SMYD3: variants seen among roughly 807,000 people sequenced by gnomAD.
SMYD3 encodes SET and MYND domain containing 3.
In SMYD3, 36 loss-of-function variants were observed where a neutral mutation model predicts 57.7. The observed-to-expected ratio is 0.62, with a 90% confidence interval of 0.48 to 0.82. The LOEUF (loss-of-function observed/expected upper bound fraction) is 0.82, where lower values mean the gene tolerates loss of function less well. SMYD3 is among the 40% of genes least tolerant of loss of function. The pLI is 0.00. For missense variants in SMYD3, 515 were observed against 538.8 expected (o/e 0.96, Z 0.44); for synonymous variants, 211 against 195.0 (o/e 1.08, Z -0.68).
intron 5 of SMYD3, among the ~76,000 whole-genome samples, chr1:245,934,713 G>A (rs1421475103): frequency 6.6e-6 from 1 of 152,066 alleles, no homozygotes; most frequent in Non-Finnish European, 1.5e-5. Flanking sequence ...AAGTGTTACC[G>A]GAAGGTTTAC....
rs1275983636 is a variant in SMYD3, at chr1:246,002,375, G to A, written c.532-72438C>T. 5.1e-5 allele frequency among the ~76,000 whole-genome samples: 3 copies of A among 58,820 alleles called. 1 individual carries two copies. The highest frequency in any genetic ancestry group is 6.4e-4 in the South Asian group (1 of 1,558). The allele number at this position is 58,820 out of a possible 152,430, so 38.6% of individuals were successfully genotyped here. A position where few individuals can be genotyped will look rare whatever the true frequency, so the allele number is the denominator to read the frequency against. On this transcript the variant is annotated intron_variant, in intron 5 of 11. Coordinates refer to ENST00000490107, the MANE Select transcript of SMYD3 (RefSeq NM_001167740.2). ...AATTTTTTGTATTTTTAGTAGAGACGGGGTTTCACCGTGTTAGCCAGGATG... is the reference window on the plus strand; with the variant it reads ...AATTTTTTGTATTTTTAGTAGAGACAGGGTTTCACCGTGTTAGCCAGGATG...
chr1:246,462,220 ACAGTGCATCCTCCCG>A (rs2067809196), intron 1 of SMYD3, among the ~76,000 whole-genome samples: 1 of 94,150 alleles, frequency 1.1e-5, no homozygotes, highest in Non-Finnish European at 2.5e-5. Flanking sequence ...CCTGCTGGGT[ACAGTGCATCCTCCCG>A]CGGGGCCTGC....
intron 11 of SMYD3, among the ~76,000 whole-genome samples, chr1:245,761,786 C>CTTTTTTTTTTTTTT (rs534305833): frequency 8.6e-6 from 1 of 115,720 alleles, no homozygotes; most frequent in Admixed American, 8.9e-5. Context: ...CATATTGAGT[C>CTTTTTTTTTTTTTT]TTTTTTTTTT....
chr1:245,876,465 G>C (rs553048660), intron 8 of SMYD3, among the ~76,000 whole-genome samples: 2 of 152,224 alleles, frequency 1.3e-5, no homozygotes, highest in Non-Finnish European at 2.9e-5. Context: ...GAATCTCTGC[G>C]ATCATGCTGT....
chr1:246,369,555 C>A (rs369952186), intron 1 of SMYD3, among the ~76,000 whole-genome samples: 1 of 152,104 alleles, frequency 6.6e-6, no homozygotes, highest in East Asian at 1.9e-4. Context: ...GAGACAGGGT[C>A]TCGCTCTGTT....
At chr1:246,185,445 G>A (rs2062618841) in intron 5 of SMYD3, among the ~76,000 whole-genome samples, 1 of 115,416 alleles carries the variant, frequency 8.7e-6, no homozygotes, top group African/African-American at 3.7e-5. Flanking sequence ...CCATGTTAGT[G>A]ATTCTTTTTT....
At chr1:246,047,133 T>C (rs1437943209) in intron 5 of SMYD3, among the ~76,000 whole-genome samples, 1 of 152,242 alleles carries the variant, frequency 6.6e-6, no homozygotes, top group Non-Finnish European at 1.5e-5. Context: ...TATTTTTTCT[T>C]CTCCAACTTG....
intron 5 of SMYD3, chr1:245,953,130 T>C (rs2057718456): frequency 1.4e-6 from 1 of 732,082 alleles, no homozygotes; most frequent in African/African-American, 1.9e-5. Flanking sequence ...CACCTTTGGG[T>C]AAAGTGTTAT....
intron 11 of SMYD3, among the ~76,000 whole-genome samples, chr1:245,760,169 C>G (rs1361446228): frequency 1.3e-5 from 2 of 152,180 alleles, no homozygotes; most frequent in Non-Finnish European, 2.9e-5. Flanking sequence ...AGGCTGGAGC[C>G]TAACTGAATC....
intron 1 of SMYD3, among the ~76,000 whole-genome samples, chr1:246,455,796 C>G (rs986322820): frequency 6.6e-6 from 1 of 152,202 alleles, no homozygotes; most frequent in African/African-American, 2.4e-5. Context: ...GAAATTATTA[C>G]TTTCATGCAT....
rs548100185 is a variant in SMYD3 at position 245,840,887 on chromosome 1, G to A, written c.1076+17609C>T. On this transcript the variant is annotated intron_variant, in intron 10 of 11. Coordinates refer to ENST00000490107, the MANE Select transcript of SMYD3 (RefSeq NM_001167740.2). ...AAACTTTTTTTTTCAACTAATTAAC[G>A]GGACTTTTAAATACAGATCCTAGAA... Among the ~76,000 whole-genome samples the A allele has an allele frequency of 9.9e-4, 150 of 152,140 alleles. 1 individual carries two copies. Among genetic ancestry groups the A allele is most frequent in the South Asian group, 7.5e-3 (36 of 4,814 alleles).
intron 1 of SMYD3, among the ~76,000 whole-genome samples, chr1:246,406,864 C>CA (rs1172575224): frequency 6.6e-5 from 10 of 152,318 alleles, no homozygotes; most frequent in African/African-American, 2.4e-4. Flanking sequence ...AACAAACAAA[C>CA]AACACCTTTC....
At chr1:246,269,142 C>A (rs2064168056) in intron 5 of SMYD3, among the ~76,000 whole-genome samples, 1 of 152,134 alleles carries the variant, frequency 6.6e-6, no homozygotes, top group Admixed American at 6.5e-5. Context: ...TGCTTCAAGG[C>A]CCAGGGTTAA....
intron 1 of SMYD3, among the ~76,000 whole-genome samples, chr1:246,382,809 G>T (rs1365351510): frequency 6.6e-6 from 1 of 152,020 alleles, no homozygotes; most frequent in Non-Finnish European, 1.5e-5. Context: ...CAAACTCAAG[G>T]CCCATCCACA....
At chr1:246,148,756 A>G (rs1360141796) in intron 5 of SMYD3, among the ~76,000 whole-genome samples, 3 of 152,252 alleles carry the variant, frequency 2.0e-5, no homozygotes, top group African/African-American at 7.2e-5. Context: ...TTCTGGAACG[A>G]AAAGCACAAC....
intron 8 of SMYD3, among the ~76,000 whole-genome samples, chr1:245,904,661 T>C (rs2054430819): frequency 6.6e-6 from 1 of 152,130 alleles, no homozygotes; most frequent in South Asian, 2.1e-4. Flanking sequence ...AAAGGCAGTC[T>C]AGGCCATAAC....
chr1:245,798,426 CCA>C (rs1479460237), intron 10 of SMYD3, among the ~76,000 whole-genome samples: 1 of 4,496 alleles, frequency 2.2e-4, no homozygotes, highest in Non-Finnish European at 3.9e-4. Flanking sequence ...ATACACACCC[CCA>C]CACACATACA....
At chr1:245,920,844 G>T (rs976277277) in intron 7 of SMYD3, among the ~76,000 whole-genome samples, 2 of 152,120 alleles carry the variant, frequency 1.3e-5, no homozygotes, top group African/African-American at 2.4e-5. Context: ...CACCCTAGAA[G>T]AAAACCTAAG....
At chr1:245,806,649 G>A (rs935776701) in intron 10 of SMYD3, among the ~76,000 whole-genome samples, 3 of 152,046 alleles carry the variant, frequency 2.0e-5, no homozygotes, top group Non-Finnish European at 2.9e-5. Flanking sequence ...GGTGGCTCAC[G>A]CCTGTAATCC....
Sources: gnomAD v4.1 joint callset for allele counts (sites outside exome capture counted in the v4.1 genomes callset) on GRCh38, gnomAD v4.1.1 for gene constraint, MANE v1.5 for transcripts, NCBI Gene and HGNC (gene_info 2026-07-23, HGNC 2026-07-21) for gene names.